WNK2: variants seen among roughly 807,000 people sequenced by gnomAD.
WNK2 encodes WNK lysine deficient protein kinase 2.
A neutral mutation model predicts 192.1 loss-of-function variants in WNK2; 67 were observed. The observed-to-expected ratio is 0.35, with a 90% CI of 0.29 to 0.43. The LOEUF (loss-of-function observed/expected upper bound fraction) is 0.43, where lower values mean the gene tolerates loss of function less well. WNK2 is among the 20% of genes least tolerant of loss of function. WNK2 has a pLI of 1.00. For synonymous variants in WNK2, 1,439 were observed against 1,393.9 expected, an observed-to-expected ratio of 1.03 and a Z score of -0.72; for missense variants, 2,698 against 3,089.7, an observed-to-expected ratio of 0.87 and a Z score of 3.01.
intron 2 of WNK2, among the ~76,000 whole-genome samples, chr9:93,219,054 C>T (rs138109094): frequency 1.3e-5 from 2 of 152,358 alleles, no homozygotes; most frequent in Non-Finnish European, 2.9e-5. Flanking sequence ...TGTCCCTCTG[C>T]CCCTCAGCTG....
At chr9:93,192,327 G>A (rs1830476327) in intron 2 of WNK2, among the ~76,000 whole-genome samples, 1 of 151,278 alleles carries the variant, frequency 6.6e-6, no homozygotes, top group Non-Finnish European at 1.5e-5. Flanking sequence ...AAAAAAAAAA[G>A]AGAGAGAGAG....
intron 7 of WNK2, among the ~76,000 whole-genome samples, chr9:93,245,979 A>G (rs1485104752): frequency 2.0e-5 from 3 of 152,200 alleles, no homozygotes; most frequent in Non-Finnish European, 4.4e-5. Context: ...GGAGGCAAAG[A>G]GACTGGGTGA....
chr9:93,265,884 G>A (rs1845085866), intron 16 of WNK2, among the ~76,000 whole-genome samples: 1 of 152,210 alleles, frequency 6.6e-6, no homozygotes, highest in Admixed American at 6.5e-5. Flanking sequence ...TGTAAGTCCT[G>A]CACAGTAAGC....
At position 93,185,598 on chromosome 9, in the gene WNK2, G is replaced by A; in HGVS notation, c.669G>A (p.Trp223Ter). 1 of 1,610,970 alleles carries A rather than the reference G, an allele frequency of 6.2e-7. No homozygotes were observed. Among genetic ancestry groups the A allele is most frequent in the Non-Finnish European group, 8.5e-7 (1 of 1,178,766 alleles). The part of the protein sequence containing the change: ...LDTETWVEVA[W>*]CELQDRKLTK... ...CGGAGACCTGGGTGGAGGTGGCCTG[G>A]TGTGAGCTGCAGGTGAGGGTGCCCC... Residue 223 changes from tryptophan (W) to a stop codon, truncating the protein, a stop_gained, in exon 2 of 30, where the codon TGG (tryptophan) becomes TGA (stop). Coordinates refer to ENST00000427277, the MANE Select transcript of WNK2 (RefSeq NM_006648.4). LOFTEE classifies it high-confidence loss of function.
intron 23 of WNK2, among the ~76,000 whole-genome samples, chr9:93,294,840 A>G (rs961503513): frequency 1.3e-5 from 2 of 152,086 alleles, no homozygotes; most frequent in African/African-American, 4.8e-5. Context: ...GCCTAAGAAC[A>G]GGAAGTGGAT....
intron 19 of WNK2, among the ~76,000 whole-genome samples, chr9:93,273,689 G>C (rs1846326612): frequency 6.6e-6 from 1 of 152,166 alleles, no homozygotes; most frequent in Non-Finnish European, 1.5e-5. Context: ...GACATTTATA[G>C]AACACTCCAC....
chr9:93,288,865 G>C lies in WNK2; in HGVS notation c.4111G>C (p.Ala1371Pro). 1 of 1,611,878 alleles carries C rather than the reference G, an allele frequency of 6.2e-7. No individual in the cohort carries two copies. Among genetic ancestry groups the C allele is most frequent in the South Asian group, 1.1e-5 (1 of 90,854 alleles). The stretch of plus-strand genomic sequence containing the variant: ...AGCCAGTCAGCAGCTCCTGAGCCAG[G>C]CGGGCCCCAGCAACCCTCCTGGGGC... ...FLASQQLLSQ[A>P]GPSNPPGAPP... The change falls in exon 20 of 30, where the codon GCG becomes CCG. Residue 1371 changes from alanine to proline, a missense_variant. By Grantham distance (27) the Ala-to-Pro change is conservative (BLOSUM62 -1). Around this residue, in one of 7 missense-constraint regions of WNK2, gnomAD observed 1,098 missense variants for 1,101.0 expected, o/e 1.00. Coordinates refer to ENST00000427277, the MANE Select transcript of WNK2 (RefSeq NM_006648.4).
intron 19 of WNK2, among the ~76,000 whole-genome samples, chr9:93,284,760 A>G (rs923915168): frequency 1.3e-5 from 2 of 152,236 alleles, no homozygotes; most frequent in Non-Finnish European, 2.9e-5. Flanking sequence ...TTAAGAGCCA[A>G]TGCCCTGACC....
Position 93,190,773 on chromosome 9 carries a change from C to T in WNK2, c.681+5163C>T, listed in dbSNP as rs116609468. Among the ~76,000 whole-genome samples the T allele has an allele frequency of 7.7e-3, 1,178 of 152,290 alleles. 17 individuals are homozygous for T. The highest frequency in any genetic ancestry group is 0.026 in the African/African-American group (1,087 of 41,570). Reference sequence around the variant, plus strand: ...TATTTTTCCTCACATTAAACGTGGACGCAAATGTCCACACGTGCCCTGGCT... The same window carrying T: ...TATTTTTCCTCACATTAAACGTGGATGCAAATGTCCACACGTGCCCTGGCT... On this transcript the variant is annotated intron_variant, in intron 2 of 29. Coordinates refer to ENST00000427277, the MANE Select transcript of WNK2 (RefSeq NM_006648.4).
chr9:93,216,314 G>A (rs140435120), intron 2 of WNK2, among the ~76,000 whole-genome samples: 26 of 152,236 alleles, frequency 1.7e-4, no homozygotes, highest in Admixed American at 5.2e-4. Flanking sequence ...AGCCATATGT[G>A]CAATTTTCAG....
chr9:93,308,539 CATGGAGGCCCAGGCAGG>C lies in WNK2; in HGVS notation c.6472_6488del (p.Met2158LeufsTer49). 6.2e-7 allele frequency: 1 copy of C among 1,603,168 alleles called. No homozygotes were observed. Among genetic ancestry groups the C allele is most frequent in the Non-Finnish European group, 8.5e-7 (1 of 1,175,724 alleles). On this transcript the variant is annotated frameshift_variant, in exon 28 of 30. Transcript: ENST00000427277. LOFTEE classifies it high-confidence loss of function. ...TGAAGCAGACCCAGAAGCTGCAAGA[CATGGAGGCCCAGGCAGG>C]CTGGGCTGCCCCTGGCGAGGCGCGG...
In WNK2 at chr9:93,306,760, T is replaced by C; in HGVS notation, c.6215-17T>C. The C allele has an allele frequency of 6.2e-7, 1 of 1,613,346 alleles. No homozygotes were observed. Among genetic ancestry groups the C allele is most frequent in the Non-Finnish European group, 8.5e-7 (1 of 1,179,450 alleles). ...GCCTAACCCTGTGGTCTTGTGTCGT[T>C]TCTTTTTCCCTTGCAGGGTCTGCCC... On this transcript the variant is annotated splice_polypyrimidine_tract_variant and intron_variant, in intron 26 of 29. Coordinates refer to ENST00000427277, the MANE Select transcript of WNK2 (RefSeq NM_006648.4).
At chr9:93,255,533 A>C (rs1488815391) in intron 9 of WNK2, among the ~76,000 whole-genome samples, 1 of 152,160 alleles carries the variant, frequency 6.6e-6, no homozygotes, top group Admixed American at 6.5e-5. Flanking sequence ...ACCCACCGCG[A>C]AAGACAAGTG....
At position 93,259,528 on chromosome 9, in the gene WNK2, C is replaced by T. The variant is rs1843865306; in HGVS notation, c.2980C>T (p.Pro994Ser). 6.3e-7 allele frequency: 1 copy of T among 1,589,462 alleles called. No individual in the cohort carries two copies. The highest frequency in any genetic ancestry group is 1.7e-5 in the Admixed American group (1 of 58,954). Reference sequence around the variant, plus strand: ...GCTGCCCCCACAACCTGTGCTGCCCCCGCAGCCGGCACTGCCTGTGCGCCC... The same window carrying T: ...GCTGCCCCCACAACCTGTGCTGCCCTCGCAGCCGGCACTGCCTGTGCGCCC... ...PMLPPQPVLP[P>S]QPALPVRPEP... The change falls in exon 12 of 30, where the codon CCG (proline) becomes TCG (serine). Residue 994 changes from proline to serine, a missense_variant. By Grantham distance (74) the Pro-to-Ser change is moderately conservative. Transcript: ENST00000427277. This position sits in a 1 kb window ranked among gnomAD's most constrained non-coding sequence, Gnocchi z 4.8.
At chr9:93,319,740 A>G (rs1855269027) in intron 29 of WNK2, among the ~76,000 whole-genome samples, 1 of 152,164 alleles carries the variant, frequency 6.6e-6, no homozygotes, top group African/African-American at 2.4e-5. Context: ...TTGCCCATGG[A>G]TCATGCAAGG....
chr9:93,317,951 G>C (rs1255354438), intron 29 of WNK2: 10 of 1,611,960 alleles, frequency 6.2e-6, no homozygotes, highest in African/African-American at 1.3e-5. Context: ...TGTGGGCACA[G>C]CACTCAGCCG....
chr9:93,266,361 G>A (rs141994709), intron 16 of WNK2, among the ~76,000 whole-genome samples: 218 of 152,288 alleles, frequency 1.4e-3, no homozygotes, highest in Middle Eastern at 6.8e-3. Context: ...TTTAATTGGC[G>A]TGGATTCTAA....
At chr9:93,227,167 G>A (rs1454724163) in intron 2 of WNK2, among the ~76,000 whole-genome samples, 1 of 150,600 alleles carries the variant, frequency 6.6e-6, no homozygotes, top group Non-Finnish European at 1.5e-5. Context: ...AGGCTGGAGT[G>A]CAGTGGCACA....
chr9:93,196,807 G>C (rs1831358728), intron 2 of WNK2, among the ~76,000 whole-genome samples: 1 of 152,156 alleles, frequency 6.6e-6, no homozygotes, highest in African/African-American at 2.4e-5. Flanking sequence ...GGCGGGCTGT[G>C]GGTGGAGCGT....
Sources: gnomAD v4.1 joint callset for allele counts (sites outside exome capture counted in the v4.1 genomes callset) on GRCh38, gnomAD v4.1.1 for gene constraint, gnomAD v4.1.1 regional missense constraint, Gnocchi (gnomAD v3.1) non-coding constraint, MANE v1.5 for transcripts, NCBI Gene and HGNC (gene_info 2026-07-23, HGNC 2026-07-21) for gene names.